Variants in CAPN5 observed in about 807,000 individuals in gnomAD.
The protein encoded by CAPN5 is calpain 5.
Under a neutral mutation model 73.0 loss-of-function variants are expected in CAPN5, and 54 were observed. That is an observed-to-expected ratio of 0.74 (90% CI 0.59 to 0.93). The LOEUF is 0.93. Among genes scored for constraint, CAPN5 ranks in the 40% least tolerant of loss-of-function variants. CAPN5 has a pLI of 0.00. For synonymous variants in CAPN5, 335 were observed against 356.9 expected, an observed-to-expected ratio of 0.94 and a Z score of 0.69; for missense variants, 785 against 882.9, an observed-to-expected ratio of 0.89 and a Z score of 1.41.
chr11:77,090,010 T>TTACGGA (rs1555036222), intron 2 of CAPN5, among the ~76,000 whole-genome samples: 4,702 of 152,314 alleles, frequency 0.031, 257 homozygotes, highest in African/African-American at 0.11. Flanking sequence ...TTTCTGTGCC[T>TTACGGA]TGGTTTCCTC....
chr11:77,076,776 CT>C (rs1280730880), intron 1 of CAPN5, among the ~76,000 whole-genome samples: 2 of 152,184 alleles, frequency 1.3e-5, no homozygotes, highest in African/African-American at 4.8e-5. Context: ...TTGATGGACT[CT>C]TAAGTTAATT....
At position 77,120,830 on chromosome 11, in the gene CAPN5, A is replaced by T. The variant is rs1196025210; in HGVS notation, c.1408A>T (p.Ile470Phe). ...CGACCAGCCCGAGGGCCGCTATGTC[A>T]TCATCCCCACAACCTTCGAGCCAGG... Reference protein sequence around the residue: ...RTDQPEGRYVIIPTTFEPGHT... With the variant: ...RTDQPEGRYVFIPTTFEPGHT... The change falls in exon 10 of 13, where the codon ATC (isoleucine) becomes TTC (phenylalanine). Residue 470 changes from isoleucine to phenylalanine, a missense_variant. By Grantham distance (21) the Ile-to-Phe change is conservative (BLOSUM62 0). Coordinates refer to ENST00000648180, the MANE Select transcript of CAPN5 (RefSeq NM_004055.5). 4.3e-6 allele frequency: 7 copies of T among 1,614,024 alleles called. No homozygotes were observed. The highest frequency in any genetic ancestry group is 5.9e-6 in the Non-Finnish European group (7 of 1,180,030).
At chr11:77,088,675 G>C (rs1247717925) in intron 2 of CAPN5, among the ~76,000 whole-genome samples, 1 of 152,154 alleles carries the variant, frequency 6.6e-6, no homozygotes, top group Non-Finnish European at 1.5e-5. Flanking sequence ...TGGTGACTAG[G>C]GTGAAGCTGG....
chr11:77,100,699 A>T (rs1950275041), intron 3 of CAPN5, among the ~76,000 whole-genome samples: 1 of 152,144 alleles, frequency 6.6e-6, no homozygotes, highest in Non-Finnish European at 1.5e-5. Context: ...TGTCTCCACC[A>T]GCCAGCTGCC....
chr11:77,125,669 C>T lies in CAPN5; in HGVS notation c.*1799C>T, dbSNP rs1276374268. On this transcript the variant is annotated 3_prime_UTR_variant, in exon 13 of 13. Transcript: ENST00000648180. ...TCATGTAATCACCACTTCTCGATGT[C>T]TATTTCAAATCAAGGCTCCTGAGTA... 6.6e-6 allele frequency: 1 copy of T among 151,080 alleles called. No homozygotes were observed. The highest frequency in any genetic ancestry group is 1.5e-5 in the Non-Finnish European group (1 of 67,890). The allele number at this position is 151,080 out of a possible 1,614,324, so 9.4% of individuals were successfully genotyped here.
intron 4 of CAPN5, among the ~76,000 whole-genome samples, chr11:77,113,205 C>T (rs1950429500): frequency 6.6e-6 from 1 of 152,248 alleles, no homozygotes; most frequent in Non-Finnish European, 1.5e-5. Flanking sequence ...TGCCTGCCTT[C>T]CCCGCCTGCT....
At chr11:77,106,355 A>C (rs1950349005) in intron 3 of CAPN5, among the ~76,000 whole-genome samples, 1 of 149,610 alleles carries the variant, frequency 6.7e-6, no homozygotes, top group African/African-American at 2.5e-5. Flanking sequence ...TGCCCGAGAC[A>C]GAGGAATCCA....
chr11:77,107,990 C>T (rs149790827), intron 3 of CAPN5, among the ~76,000 whole-genome samples: 138 of 152,322 alleles, frequency 9.1e-4, no homozygotes, highest in African/African-American at 3.2e-3. Context: ...CTTTAGTTCT[C>T]ATAACAGCCC....
chr11:77,113,945 G>A (rs559995642), intron 4 of CAPN5, among the ~76,000 whole-genome samples: 37 of 151,536 alleles, frequency 2.4e-4, no homozygotes, highest in African/African-American at 8.5e-4. Flanking sequence ...ATACCCATCC[G>A]ACAGTAACTC....
rs781985654 is a variant in CAPN5 at position 77,115,589 on chromosome 11, G to A, written c.893+1G>A. ...AGTGGAACGGGCCCTGGAGTGACAC[G>A]TGAGGCCTGGGGATGGGGGTGCAGG... On this transcript the variant is annotated splice_donor_variant, in intron 6 of 12. Coordinates refer to ENST00000648180, the MANE Select transcript of CAPN5 (RefSeq NM_004055.5). LOFTEE classifies it high-confidence loss of function. The A allele has an allele frequency of 3.1e-6, 5 of 1,605,202 alleles. No homozygotes were observed. Among genetic ancestry groups the A allele is most frequent in the African/African-American group, 1.3e-5 (1 of 74,922 alleles).
At chr11:77,122,113 A>G in intron 11 of CAPN5, 64 bp downstream of exon 11, 1 of 944,568 alleles carries the variant, frequency 1.1e-6, no homozygotes, top group Non-Finnish European at 1.6e-6. Context: ...TCTCTCCACC[A>G]GCACGGATAC....
At position 77,112,695 on chromosome 11, in the gene CAPN5, T is replaced by C. The variant is rs1204835284; in HGVS notation, c.404T>C (p.Val135Ala). Residue 135 changes from valine to alanine, a missense_variant, in exon 4 of 13, where the codon GTC (valine) becomes GCC (alanine). Val to Ala is a moderately conservative substitution (Grantham distance 64). Transcript: ENST00000648180. ...CGCTTCGGGGAATGGGTGGACGTGGTCATCGATGACCGGCTGCCCACAGTC... is the reference window on the plus strand; with the variant it reads ...CGCTTCGGGGAATGGGTGGACGTGGCCATCGATGACCGGCTGCCCACAGTC... The part of the protein sequence containing the change: ...FWRFGEWVDV[V>A]IDDRLPTVNN... 4 of 1,614,090 alleles carry C rather than the reference T, an allele frequency of 2.5e-6. No individual in the cohort carries two copies. Among genetic ancestry groups the C allele is most frequent in the African/African-American group, 1.3e-5 (1 of 74,928 alleles).
Position 77,114,247 on chromosome 11 carries a change from C to T in CAPN5, c.512C>T (p.Ala171Val), listed in dbSNP as rs1950443387. 1.9e-6 allele frequency: 3 copies of T among 1,613,856 alleles called. No homozygotes were observed. The highest frequency in any genetic ancestry group is 1.7e-4 in the Middle Eastern group (1 of 6,058). ...ALVEKAYAKLAGCYQALDGGN... is the reference protein window; with the variant it reads ...ALVEKAYAKLVGCYQALDGGN... ...CTTTCCACATTGCTTCCCAGACTGG[C>T]AGGCTGTTACCAGGCCCTGGATGGA... The change falls in exon 5 of 13, where the codon GCA becomes GTA. Residue 171 changes from alanine to valine, a missense_variant. Ala to Val is a moderately conservative substitution (Grantham distance 64). Coordinates refer to ENST00000648180, the MANE Select transcript of CAPN5 (RefSeq NM_004055.5).
chr11:77,105,117 C>T (rs1950330701), intron 3 of CAPN5, among the ~76,000 whole-genome samples: 2 of 151,734 alleles, frequency 1.3e-5, no homozygotes, highest in African/African-American at 2.4e-5. Context: ...CTCTTAGTCC[C>T]GACTGCCTGT....
chr11:77,074,421 C>T (rs1404200948), intron 1 of CAPN5, among the ~76,000 whole-genome samples: 2 of 152,182 alleles, frequency 1.3e-5, no homozygotes, highest in African/African-American at 4.8e-5. Context: ...ACATTGTACC[C>T]TGCTGTGCCC....
At chr11:77,103,020 C>A (rs782569854) in intron 3 of CAPN5, 1 of 1,613,572 alleles carries the variant, frequency 6.2e-7, no homozygotes, top group Non-Finnish European at 8.5e-7. Context: ...CACCCAGCAG[C>A]AGCGGCTACA....
intron 1 of CAPN5, among the ~76,000 whole-genome samples, chr11:77,082,986 C>T (rs1950043360): frequency 1.3e-5 from 2 of 152,188 alleles, no homozygotes; most frequent in South Asian, 4.1e-4. Flanking sequence ...TAATGCTGCT[C>T]CTCGGTGACT....
rs530718487 is a variant in CAPN5, at chr11:77,088,117, C to T, written c.165+3066C>T. ...AACATCCCCTCATCCAGCATGCTGTCTCTCCCACATCTGGGTATGAGCCTG... is the reference window on the plus strand; with the variant it reads ...AACATCCCCTCATCCAGCATGCTGTTTCTCCCACATCTGGGTATGAGCCTG... On this transcript the variant is annotated intron_variant, in intron 2 of 12. Transcript: ENST00000648180. 27 of 1,488,114 alleles carry T rather than the reference C, an allele frequency of 1.8e-5. No homozygotes were observed. The African/African-American group carries it at 3.5e-4, about 19-fold the overall frequency. 92.2% of individuals were successfully genotyped at this position (1,488,114 alleles called of 1,614,324 possible).
At chr11:77,070,084 T>C (rs1347986548) in intron 1 of CAPN5, among the ~76,000 whole-genome samples, 1 of 152,194 alleles carries the variant, frequency 6.6e-6, no homozygotes, top group African/African-American at 2.4e-5. Context: ...TGATGTGTGC[T>C]TACCCGCAAG....
Sources: allele counts gnomAD v4.1 joint callset (sites outside exome capture counted in the v4.1 genomes callset), GRCh38; gene constraint gnomAD v4.1.1; transcripts MANE v1.5; gene names NCBI Gene and HGNC (gene_info 2026-07-23, HGNC 2026-07-21).